Variants in NDFIP2 observed in about 807,000 individuals in gnomAD.
NDFIP2 encodes Nedd4 family interacting protein 2, also known as NEDD4 family-interacting protein 2.
Under a neutral mutation model 36.0 loss-of-function variants are expected in NDFIP2, and 19 were observed. The observed-to-expected ratio is 0.53, with a 90% CI of 0.37 to 0.77. NDFIP2 has a LOEUF of 0.77. Ranked by LOEUF, NDFIP2 falls within the 30% of genes least tolerant of loss-of-function variation. The pLI is 0.00. For synonymous variants in NDFIP2, 181 were observed against 167.7 expected (o/e 1.08, Z -0.61); for missense variants, 446 against 435.8 (o/e 1.02, Z -0.21).
chr13:79,508,463 T>G (rs1873953780), intron 1 of NDFIP2, among the ~76,000 whole-genome samples: 1 of 152,218 alleles, frequency 6.6e-6, no homozygotes, highest in South Asian at 2.1e-4. Context: ...TTATTGTTAT[T>G]TCTTGATTAT....
At chr13:79,521,057 T>G (rs764554288) in intron 2 of NDFIP2, 82 bp downstream of exon 2, 2 of 1,220,534 alleles carry the variant, frequency 1.6e-6, no homozygotes, top group East Asian at 4.9e-5. Flanking sequence ...TGTCTGTTAA[T>G]GGGCTTATAA....
At chr13:79,500,233 G>A (rs972987625) in intron 1 of NDFIP2, among the ~76,000 whole-genome samples, 1 of 148,754 alleles carries the variant, frequency 6.7e-6, no homozygotes, top group Admixed American at 6.7e-5. Context: ...AACTCAAAAT[G>A]GATTACAGAT....
chr13:79,530,171 CAG>C (rs1874960513), intron 2 of NDFIP2, among the ~76,000 whole-genome samples: 1 of 151,874 alleles, frequency 6.6e-6, no homozygotes, highest in Non-Finnish European at 1.5e-5. Flanking sequence ...TTTTTAGAGA[CAG>C]AATTCAGTGG....
At chr13:79,535,108 G>A (rs554090936) in intron 3 of NDFIP2, among the ~76,000 whole-genome samples, 3 of 152,188 alleles carry the variant, frequency 2.0e-5, no homozygotes, top group African/African-American at 7.2e-5. Context: ...TCTAAATAGG[G>A]TATTTTTGTC....
At chr13:79,493,995 C>G (rs1350970887) in intron 1 of NDFIP2, among the ~76,000 whole-genome samples, 1 of 152,088 alleles carries the variant, frequency 6.6e-6, no homozygotes, top group Non-Finnish European at 1.5e-5. Flanking sequence ...AAGTTTTTCT[C>G]CTTGGTGGGG....
intron 1 of NDFIP2, 45 bp from the exon 2 acceptor site, chr13:79,520,765 T>C (rs1218270550): frequency 6.6e-7 from 1 of 1,505,558 alleles, no homozygotes; most frequent in Non-Finnish European, 9.0e-7. Context: ...ATTTAAAAAA[T>C]AATTAGCATT....
chr13:79,548,269 T>A, intron 5 of NDFIP2, 59 bp from the exon 6 acceptor site: 1 of 1,216,154 alleles, frequency 8.2e-7, no homozygotes, highest in South Asian at 1.3e-5. Context: ...TGAAGATAAT[T>A]TATGATTTTC....
At chr13:79,521,155 GTA>G (rs991925837) in intron 2 of NDFIP2, among the ~76,000 whole-genome samples, 180 bp downstream of exon 2, 1 of 151,970 alleles carries the variant, frequency 6.6e-6, no homozygotes, top group African/African-American at 2.4e-5. Context: ...ATATATGTGT[GTA>G]TGTATATATG....
rs1427398405 is a variant in NDFIP2 at position 79,539,734 on chromosome 13, T to C, written c.674T>C (p.Leu225Pro). Residue 225 changes from leucine to proline, a missense_variant, in exon 4 of 8, where the codon CTC becomes CCC. Transcript: ENST00000218652. The stretch of plus-strand genomic sequence containing the variant: ...GATGACTTCAGTGATGCAGACCAGC[T>C]CAGAGTGGGGAATGATGGCATTTTC... ...PRDDFSDADQ[L>P]RVGNDGIFML... 1 of 1,613,668 alleles carries C rather than the reference T, an allele frequency of 6.2e-7. No homozygotes were observed. The highest frequency in any genetic ancestry group is 1.3e-5 in the African/African-American group (1 of 74,874).
chr13:79,546,880 T>A (rs192678152), intron 5 of NDFIP2, among the ~76,000 whole-genome samples: 1 of 152,242 alleles, frequency 6.6e-6, no homozygotes, highest in East Asian at 1.9e-4. Flanking sequence ...TTTCTAACTG[T>A]TAATCACTTG....
At chr13:79,502,396 G>C (rs1031670134) in intron 1 of NDFIP2, among the ~76,000 whole-genome samples, 1 of 152,152 alleles carries the variant, frequency 6.6e-6, no homozygotes, top group African/African-American at 2.4e-5. Flanking sequence ...CCTTGCAAAT[G>C]AAACTTAAAC....
At chr13:79,504,956 A>G (rs1299561199) in intron 1 of NDFIP2, among the ~76,000 whole-genome samples, 3 of 152,222 alleles carry the variant, frequency 2.0e-5, no homozygotes, top group Non-Finnish European at 4.4e-5. Context: ...GGCTCAGATT[A>G]TCCCAGATTT....
chr13:79,485,010 T>C (rs995226076), intron 1 of NDFIP2, among the ~76,000 whole-genome samples: 2 of 152,094 alleles, frequency 1.3e-5, no homozygotes, highest in Admixed American at 6.5e-5. Flanking sequence ...GTTTCACGGT[T>C]TCTGGCAAAA....
At chr13:79,498,737 C>T (rs1349529531) in intron 1 of NDFIP2, among the ~76,000 whole-genome samples, 3 of 151,994 alleles carry the variant, frequency 2.0e-5, no homozygotes, top group African/African-American at 7.2e-5. Flanking sequence ...GCCATCATGA[C>T]CAAATCAGCT....
intron 1 of NDFIP2, among the ~76,000 whole-genome samples, chr13:79,497,790 T>TGGGG (rs60067085): frequency 7.0e-6 from 1 of 143,402 alleles, no homozygotes; most frequent in Non-Finnish European, 1.5e-5. Flanking sequence ...CCTTTATCTG[T>TGGGG]GGGGGGTGTG....
intron 1 of NDFIP2, among the ~76,000 whole-genome samples, chr13:79,498,725 G>C (rs1873543386): frequency 6.6e-6 from 1 of 152,026 alleles, no homozygotes; most frequent in East Asian, 1.9e-4. Flanking sequence ...TATGAGGACA[G>C]AGCCATCATG....
intron 1 of NDFIP2, among the ~76,000 whole-genome samples, chr13:79,482,186 T>C (rs1043299661): frequency 1.4e-5 from 2 of 147,236 alleles, no homozygotes; most frequent in Admixed American, 6.7e-5. Context: ...TTTTTTTTTT[T>C]TTTTTTTTTG....
chr13:79,523,580 C>G (rs12877278), intron 2 of NDFIP2, among the ~76,000 whole-genome samples: 47,545 of 152,044 alleles, frequency 0.31, 7,910 homozygotes, highest in East Asian at 0.53. Flanking sequence ...AAATTAGGCA[C>G]AGTAAGAGAT....
chr13:79,517,502 C>T (rs1874397032), intron 1 of NDFIP2, among the ~76,000 whole-genome samples: 1 of 152,176 alleles, frequency 6.6e-6, no homozygotes, highest in South Asian at 2.1e-4. Flanking sequence ...TTGGTTAATT[C>T]ACAGAGGCAA....
Sources: allele counts gnomAD v4.1 joint callset (sites outside exome capture counted in the v4.1 genomes callset), GRCh38; gene constraint gnomAD v4.1.1; transcripts MANE v1.5; gene names NCBI Gene and HGNC (gene_info 2026-07-23, HGNC 2026-07-21).